Variants in ACOX1 observed in about 807,000 individuals in gnomAD.
ACOX1 encodes acyl-CoA oxidase 1.
ACOX1 carries 41 observed loss-of-function variants against 75.5 expected under a neutral mutation model. The observed-to-expected ratio is 0.54, with a 90% CI of 0.42 to 0.70. ACOX1 has a LOEUF of 0.70. Among genes scored for constraint, ACOX1 ranks in the 30% least tolerant of loss-of-function variants. ACOX1 has a pLI of 0.00. For synonymous variants in ACOX1, 303 were observed against 298.8 expected (o/e 1.01, Z -0.15); for missense variants, 630 against 837.5 (o/e 0.75, Z 3.06).
At chr17:75,967,695 TACATATATATAC>T (rs2065949623) in intron 2 of ACOX1, among the ~76,000 whole-genome samples, 1 of 136,258 alleles carries the variant, frequency 7.3e-6, no homozygotes, top group African/African-American at 2.8e-5. Context: ...TATATATACA[TACATATATATAC>T]ATATATATAT....
At chr17:75,977,322 ACCGTT>A (rs573353816) in intron 2 of ACOX1, among the ~76,000 whole-genome samples, 232 of 151,272 alleles carry the variant, frequency 1.5e-3, no homozygotes, top group Middle Eastern at 6.8e-3. Context: ...ATTTATTTTT[ACCGTT>A]CCTTGTGGAG....
rs920629130 is a variant in ACOX1, at chr17:75,951,513, T to C, written c.1009A>G (p.Thr337Ala). The C allele has an allele frequency of 1.9e-6, 3 of 1,614,022 alleles. No individual in the cohort carries two copies. Among genetic ancestry groups the C allele is most frequent in the African/African-American group, 1.3e-5 (1 of 74,918 alleles). ...QQYKLFPLLA[T>A]AYAFQFVGAY... ...CCCACAAACTGGAAGGCATAGGCAG[T>C]GGCCAGGAGTGGAAAGAGTTTATAC... The change falls in exon 8 of 14, where the codon ACT becomes GCT. Residue 337 changes from threonine (T) to alanine (A), a missense_variant. By Grantham distance (58) the Thr-to-Ala change is moderately conservative. This residue lies in a region of ACOX1 where 390 missense variants were observed against 574.9 expected (regional missense o/e 0.68). Transcript: ENST00000293217.
Position 75,978,841 on chromosome 17 carries a change from T to G in ACOX1, c.109+124A>C. ...CAGGGACACAGGCTGTTCCTCGAAG[T>G]GGGGGTCCCGGCTCCCCTAACGCTG... On this transcript the variant is annotated intron_variant, in intron 1 of 13. Coordinates refer to ENST00000293217, the MANE Select transcript of ACOX1 (RefSeq NM_004035.7). The surrounding 1 kb of genome is among the most constrained non-coding windows in gnomAD (Gnocchi z 4.2). 1 of 1,597,748 alleles carries G rather than the reference T, an allele frequency of 6.3e-7. No individual in the cohort carries two copies. Among genetic ancestry groups the G allele is most frequent in the Middle Eastern group, 1.8e-4 (1 of 5,572 alleles).
chr17:75,978,579 C>T lies in ACOX1; in HGVS notation c.224G>A (p.Arg75Lys). 6.2e-7 allele frequency: 1 copy of T among 1,614,196 alleles called. No individual in the cohort carries two copies. The highest frequency in any genetic ancestry group is 8.5e-7 in the Non-Finnish European group (1 of 1,180,046). The change falls in exon 2 of 14, where the codon AGG (arginine) becomes AAG (lysine). Residue 75 changes from arginine to lysine, a missense_variant. Physicochemically the swap from Arg to Lys is conservative, Grantham distance 26 (BLOSUM62 2). Coordinates refer to ENST00000293217, the MANE Select transcript of ACOX1 (RefSeq NM_004035.7). The surrounding 1 kb of genome is among the most constrained non-coding windows in gnomAD (Gnocchi z 4.2). ...RKSAIMVKKM[R>K]EFGIADPDEI... Reference sequence around the variant, plus strand: ...ATCAGGGTCAGCGATGCCAAACTCCCTCATCTTCTTCACCATGATGGCACT... The same window carrying T: ...ATCAGGGTCAGCGATGCCAAACTCCTTCATCTTCTTCACCATGATGGCACT...
chr17:75,968,293 G>A (rs1303663669), intron 2 of ACOX1, among the ~76,000 whole-genome samples: 3 of 148,860 alleles, frequency 2.0e-5, no homozygotes, highest in Admixed American at 6.7e-5. Context: ...AAAATTAGCC[G>A]GGCGTAGTGG....
chr17:75,971,223 G>A (rs1156601182), intron 2 of ACOX1, among the ~76,000 whole-genome samples: 5 of 151,670 alleles, frequency 3.3e-5, no homozygotes, highest in African/African-American at 9.7e-5. Context: ...CCTGGGAGGC[G>A]GAGGTTGCGG....
intron 2 of ACOX1, among the ~76,000 whole-genome samples, chr17:75,966,132 A>T (rs981831529): frequency 6.6e-6 from 1 of 150,948 alleles, no homozygotes; most frequent in Non-Finnish European, 1.5e-5. Context: ...TCCATCTCGA[A>T]AAAGAAAAAA....
At chr17:75,977,159 G>A (rs930856449) in intron 2 of ACOX1, among the ~76,000 whole-genome samples, 3 of 150,926 alleles carry the variant, frequency 2.0e-5, no homozygotes, top group Non-Finnish European at 4.4e-5. Context: ...CACCAGGCCC[G>A]GCTAATTTTT....
chr17:75,953,906 T>C (rs954659525), intron 6 of ACOX1, among the ~76,000 whole-genome samples: 2 of 152,242 alleles, frequency 1.3e-5, no homozygotes, highest in Non-Finnish European at 2.9e-5. Context: ...CAACTGTTTC[T>C]GATTTCACTG....
intron 2 of ACOX1, among the ~76,000 whole-genome samples, chr17:75,968,015 A>C (rs1360206825): frequency 6.6e-6 from 1 of 151,288 alleles, no homozygotes; most frequent in Admixed American, 6.6e-5. Context: ...CTGGGATTAC[A>C]GGCGAGAGCC....
In ACOX1 at chr17:75,978,722, GCAGA is replaced by G. The variant is rs72290405; in HGVS notation, c.110-33_110-30del. On this transcript the variant is annotated intron_variant, in intron 1 of 13. Coordinates refer to ENST00000293217, the MANE Select transcript of ACOX1 (RefSeq NM_004035.7). The surrounding 1 kb of genome is among the most constrained non-coding windows in gnomAD (Gnocchi z 4.2). Reference sequence around the variant, plus strand: ...AAAGGGGGTTAAAGGGCATTAAAAGGCAGACAGACACTCGGGCCTCCGTTCCACC... The same window carrying G: ...AAAGGGGGTTAAAGGGCATTAAAAGGCAGACACTCGGGCCTCCGTTCCACC... 8,965 of 1,612,958 alleles carry G rather than the reference GCAGA, an allele frequency of 5.6e-3. 312 individuals carry two copies. The African/African-American group carries it at 0.085, about 15-fold the overall frequency.
chr17:75,970,184 CAAAAAAA>C (rs55762557), intron 2 of ACOX1, among the ~76,000 whole-genome samples: 4 of 69,094 alleles, frequency 5.8e-5, no homozygotes, highest in Admixed American at 3.3e-4. Flanking sequence ...GAGACTCCTT[CAAAAAAA>C]AAAAAAAAAA....
At chr17:75,967,648 A>ACG (rs2065946350) in intron 2 of ACOX1, among the ~76,000 whole-genome samples, 1 of 100,760 alleles carries the variant, frequency 9.9e-6, no homozygotes, top group African/African-American at 6.8e-5. Flanking sequence ...ATATATACGT[A>ACG]TATATATACA....
At chr17:75,967,693 CAT>C (rs1471588896) in intron 2 of ACOX1, among the ~76,000 whole-genome samples, 2 of 108,304 alleles carry the variant, frequency 1.8e-5, no homozygotes, top group African/African-American at 9.0e-5. Context: ...TATATATATA[CAT>C]ACATATATAT....
rs2065676720 is a variant in ACOX1 at position 75,942,177 on chromosome 17, T to A, written c.*4571A>T. ...CCGGCACGGTGGCTCACGCCTGTAA[T>A]CCCAGCACTTTGGGAGGCCGAGGTG... On this transcript the variant is annotated 3_prime_UTR_variant, in exon 14 of 14. Transcript: ENST00000293217. The A allele has an allele frequency of 6.6e-6, 1 of 152,144 alleles. No homozygotes were observed. The highest frequency in any genetic ancestry group is 2.1e-4 in the South Asian group (1 of 4,830). The allele number at this position is 152,144 out of a possible 1,614,324, so 9.4% of individuals were successfully genotyped here.
At chr17:75,962,235 G>A (rs143863324) in intron 2 of ACOX1, among the ~76,000 whole-genome samples, 36 of 152,092 alleles carry the variant, frequency 2.4e-4, no homozygotes, top group African/African-American at 7.7e-4. Context: ...CCATAATAAC[G>A]ACAAGTTACA....
chr17:75,953,168 G>T (rs2065789932), intron 7 of ACOX1: 2 of 345,486 alleles, frequency 5.8e-6, no homozygotes, highest in Non-Finnish European at 1.1e-5. Flanking sequence ...CACTTATAAA[G>T]TTCAAGTAAT....
chr17:75,969,135 A>G (rs1333806398), intron 2 of ACOX1, among the ~76,000 whole-genome samples: 1 of 152,058 alleles, frequency 6.6e-6, no homozygotes, highest in African/African-American at 2.4e-5. Flanking sequence ...CAGAAGTATG[A>G]CCCCAAAGAA....
chr17:75,956,080 GCT>G, intron 4 of ACOX1, 133 bp from the exon 5 acceptor site: 3 of 1,192,288 alleles, frequency 2.5e-6, no homozygotes, highest in Non-Finnish European at 3.7e-6. Flanking sequence ...AAGCCTTTCT[GCT>G]GACAGCATCA....
Sources: gnomAD v4.1 joint callset for allele counts (sites outside exome capture counted in the v4.1 genomes callset) on GRCh38, gnomAD v4.1.1 for gene constraint, gnomAD v4.1.1 regional missense constraint, Gnocchi (gnomAD v3.1) non-coding constraint, MANE v1.5 for transcripts, NCBI Gene and HGNC (gene_info 2026-07-23, HGNC 2026-07-21) for gene names.